NTNG1: variants seen among roughly 807,000 people sequenced by gnomAD.
The protein encoded by NTNG1 is netrin-G1.
NTNG1 carries 16 observed loss-of-function variants against 54.0 expected under a neutral mutation model. That is an observed-to-expected ratio of 0.30 (90% CI 0.20 to 0.45). The LOEUF (loss-of-function observed/expected upper bound fraction) is 0.45, where lower values mean the gene tolerates loss of function less well. Ranked by LOEUF, NTNG1 falls within the 20% of genes least tolerant of loss-of-function variation. The pLI is 1.00. For missense variants in NTNG1, 530 were observed against 678.7 expected (o/e 0.78, Z 2.43); for synonymous variants, 255 against 263.1 (o/e 0.97, Z 0.30).
intron 7 of NTNG1, among the ~76,000 whole-genome samples, chr1:107,468,638 T>C (rs760085919): frequency 1.7e-4 from 26 of 152,248 alleles, no homozygotes; most frequent in Non-Finnish European, 2.8e-4. Flanking sequence ...AACAGCTCCA[T>C]GTGGATTTTC....
intron 2 of NTNG1, among the ~76,000 whole-genome samples, chr1:107,166,621 A>G (rs1263416580): frequency 6.6e-6 from 1 of 152,166 alleles, no homozygotes; most frequent in Non-Finnish European, 1.5e-5. Flanking sequence ...TTCAAAATAT[A>G]TTTACAAAAG....
intron 2 of NTNG1, among the ~76,000 whole-genome samples, chr1:107,271,554 C>T (rs905471108): frequency 3.3e-5 from 5 of 151,990 alleles, no homozygotes; most frequent in African/African-American, 7.3e-5. Flanking sequence ...CCCAGACCAG[C>T]GAAGAATAAG....
intron 2 of NTNG1, among the ~76,000 whole-genome samples, chr1:107,249,226 C>T (rs759439894): frequency 3.3e-5 from 5 of 151,334 alleles, no homozygotes; most frequent in Admixed American, 6.6e-5. Context: ...TGGCTCACAC[C>T]TGTAATCCCA....
intron 3 of NTNG1, among the ~76,000 whole-genome samples, chr1:107,381,364 A>G (rs1671635896): frequency 6.6e-6 from 1 of 151,216 alleles, no homozygotes; most frequent in Non-Finnish European, 1.5e-5. Flanking sequence ...AAAAAAAAAA[A>G]AAAAAAAAAA....
intron 3 of NTNG1, among the ~76,000 whole-genome samples, chr1:107,384,023 T>C (rs1464645545): frequency 2.6e-5 from 4 of 152,208 alleles, no homozygotes; most frequent in Middle Eastern, 3.2e-3. Context: ...ATCTGGATTG[T>C]AGTAATTATC....
chr1:107,196,065 G>A (rs12117006), intron 2 of NTNG1, among the ~76,000 whole-genome samples: 7,849 of 151,960 alleles, frequency 0.052, 223 homozygotes, highest in African/African-American at 0.076. Flanking sequence ...AGAACCCAGG[G>A]CCTGGCACAT....
At chr1:107,452,011 C>A (rs1189171275) in intron 7 of NTNG1, among the ~76,000 whole-genome samples, 1 of 152,114 alleles carries the variant, frequency 6.6e-6, no homozygotes, top group African/African-American at 2.4e-5. Flanking sequence ...CTGGCTCTGC[C>A]ACTTACTAAG....
At chr1:107,342,565 C>T (rs1375747683) in intron 3 of NTNG1, among the ~76,000 whole-genome samples, 1 of 152,004 alleles carries the variant, frequency 6.6e-6, no homozygotes, top group Non-Finnish European at 1.5e-5. Context: ...ACCATCTGCT[C>T]CATGCTGGAG....
At chr1:107,456,148 G>A (rs548475893) in intron 7 of NTNG1, among the ~76,000 whole-genome samples, 8 of 152,140 alleles carry the variant, frequency 5.3e-5, no homozygotes, top group Non-Finnish European at 1.0e-4. Context: ...GACAAAGGCC[G>A]TGAAGGAGCA....
chr1:107,311,483 A>G (rs999075685), intron 2 of NTNG1, among the ~76,000 whole-genome samples: 1 of 152,186 alleles, frequency 6.6e-6, no homozygotes, highest in Non-Finnish European at 1.5e-5. Flanking sequence ...CCCAGTAACT[A>G]TATCAATCAC....
rs371601906 is a variant in NTNG1, at chr1:107,433,923, A to T, written c.1256-2742A>T. Among the ~76,000 whole-genome samples the T allele has an allele frequency of 3.2e-4, 49 of 152,294 alleles. No individual in the cohort carries two copies. The South Asian group carries it at 1.0e-2, about 31-fold the overall frequency. On this transcript the variant is annotated intron_variant, in intron 6 of 7. Transcript: ENST00000370068. ...CTATTTGCTATTTTCCACAATTAAG[A>T]TTCCTAAAGGGCTTGCGGCAGGACT...
At chr1:107,419,659 TTCCTTAGC>T (rs1308628321) in intron 5 of NTNG1, among the ~76,000 whole-genome samples, 21 of 150,114 alleles carry the variant, frequency 1.4e-4, no homozygotes, top group African/African-American at 4.6e-4. Context: ...GGCTTCCACC[TTCCTTAGC>T]TATATACAGG....
intron 2 of NTNG1, among the ~76,000 whole-genome samples, chr1:107,235,331 C>G (rs115449150): frequency 2.6e-5 from 4 of 151,950 alleles, no homozygotes; most frequent in African/African-American, 9.6e-5. Flanking sequence ...CTGGGCAAAT[C>G]AACATCGCAA....
At chr1:107,271,620 G>A (rs1344998583) in intron 2 of NTNG1, among the ~76,000 whole-genome samples, 1 of 152,098 alleles carries the variant, frequency 6.6e-6, no homozygotes, top group Non-Finnish European at 1.5e-5. Context: ...GTAACCTTTA[G>A]TTTGCTGTAG....
rs750328890 is a variant in NTNG1, at chr1:107,480,729, G to A, written c.1509G>A (p.Glu503=). 7 of 1,610,420 alleles carry A rather than the reference G, an allele frequency of 4.3e-6. No homozygotes were observed. The South Asian group carries it at 7.7e-5, about 18-fold the overall frequency. ...TGILCEKLRC[E]EAGSCGSDSG... ...TCCTCTGCGAGAAGCTGCGGTGCGA[G>A]GAGGCTGGCAGCTGCGGCTCCGACT... Residue 503 remains glutamate (E), a synonymous_variant, in exon 8 of 8, where the codon GAG becomes GAA. Transcript: ENST00000370068.
chr1:107,437,784 C>T (rs1326921296), intron 7 of NTNG1, among the ~76,000 whole-genome samples: 5 of 151,958 alleles, frequency 3.3e-5, no homozygotes, highest in South Asian at 2.1e-4. Flanking sequence ...CTATATTTTT[C>T]GTGTTTTTTT....
At chr1:107,292,735 C>A (rs1349588068) in intron 2 of NTNG1, among the ~76,000 whole-genome samples, 19 of 152,122 alleles carry the variant, frequency 1.2e-4, no homozygotes, top group Admixed American at 1.2e-3. Flanking sequence ...CTCTCAAGTG[C>A]TAGCAGGCCA....
chr1:107,468,233 A>G (rs1281134773), intron 7 of NTNG1, among the ~76,000 whole-genome samples: 1 of 152,172 alleles, frequency 6.6e-6, no homozygotes, highest in Non-Finnish European at 1.5e-5. Context: ...GAACACTCCT[A>G]CCAAGTATGT....
intron 7 of NTNG1, among the ~76,000 whole-genome samples, chr1:107,479,166 G>A (rs1376502010): frequency 2.0e-5 from 3 of 152,212 alleles, no homozygotes; most frequent in Non-Finnish European, 4.4e-5. Context: ...CCAAGGAAAT[G>A]TTGAGGAAGG....
Sources: gnomAD v4.1 joint callset for allele counts (sites outside exome capture counted in the v4.1 genomes callset) on GRCh38, gnomAD v4.1.1 for gene constraint, MANE v1.5 for transcripts, NCBI Gene and HGNC (gene_info 2026-07-23, HGNC 2026-07-21) for gene names.